The following PATJ variants were observed in gnomAD, a reference collection of about 807,000 sequenced individuals.
PATJ encodes the protein inaD-like protein.
Under a neutral mutation model 224.9 loss-of-function variants are expected in PATJ, and 190 were observed. The ratio of observed to expected loss-of-function variants is 0.84; its 90% CI spans 0.75 to 0.95. The LOEUF is 0.95. Ranked by LOEUF, PATJ falls within the 40% of genes least tolerant of loss-of-function variation. The pLI is 0.00. For synonymous variants in PATJ, 769 were observed against 820.3 expected (o/e 0.94, Z 1.07); for missense variants, 2,121 against 2,270.3 (o/e 0.93, Z 1.34).
intron 28 of PATJ, among the ~76,000 whole-genome samples, chr1:61,997,418 A>G (rs1276028051): frequency 6.6e-6 from 1 of 152,222 alleles, no homozygotes; most frequent in Non-Finnish European, 1.5e-5. Context: ...CGTTGTAACC[A>G]ATAGCTATCT....
chr1:61,760,775 C>A (rs193255143), intron 1 of PATJ, among the ~76,000 whole-genome samples: 5 of 151,732 alleles, frequency 3.3e-5, no homozygotes, highest in African/African-American at 1.2e-4. Flanking sequence ...TGCCACCACG[C>A]CTAATTTTTG....
chr1:61,898,078 GACTT>G (rs1670626925), intron 22 of PATJ, among the ~76,000 whole-genome samples: 2 of 152,168 alleles, frequency 1.3e-5, no homozygotes, highest in Admixed American at 6.5e-5. Context: ...CATTTTATAA[GACTT>G]ACTTAAGTTC....
chr1:61,763,147 C>T lies in PATJ; in HGVS notation c.157C>T (p.Leu53Phe), dbSNP rs770567980. ...KSPLFNQILT[L>F]QQSIKQLKGQ... ...TCCTCTCTTCAACCAGATACTCACA[C>T]TTCAGCAGTCCATCAAGCAACTGAA... Residue 53 changes from leucine (L) to phenylalanine (F), a missense_variant, in exon 3 of 44, where the codon CTT (leucine) becomes TTT (phenylalanine). Physicochemically the swap from Leu to Phe is conservative, Grantham distance 22. Transcript: ENST00000642238. 3 of 1,597,814 alleles carry T rather than the reference C, an allele frequency of 1.9e-6. No individual in the cohort carries two copies. The highest frequency in any genetic ancestry group is 1.7e-5 in the Admixed American group (1 of 58,142).
chr1:62,072,957 T>C (rs1429453093), intron 31 of PATJ: 1 of 811,072 alleles, frequency 1.2e-6, no homozygotes, highest in Non-Finnish European at 1.5e-6. Flanking sequence ...TACTAACTGC[T>C]GAAATTGGAA....
At chr1:61,865,197 T>C (rs1010247454) in intron 20 of PATJ, 5 of 150,746 alleles carry the variant, frequency 3.3e-5, no homozygotes, top group Non-Finnish European at 7.4e-5. Flanking sequence ...TATATATGTA[T>C]ATAAAATTTT....
intron 31 of PATJ, among the ~76,000 whole-genome samples, chr1:62,070,580 T>C (rs1369307089): frequency 3.3e-5 from 5 of 152,194 alleles, no homozygotes; most frequent in Non-Finnish European, 7.3e-5. Flanking sequence ...ATAAAATTCA[T>C]TGGTTCATCT....
chr1:62,123,864 C>T (rs2148927368), intron 39 of PATJ, among the ~76,000 whole-genome samples: 1 of 151,772 alleles, frequency 6.6e-6, no homozygotes, highest in South Asian at 2.1e-4. Context: ...AGTAAAACAT[C>T]TTTATATTTT....
intron 30 of PATJ, among the ~76,000 whole-genome samples, chr1:62,045,387 G>A (rs1652352737): frequency 6.6e-6 from 1 of 152,054 alleles, no homozygotes; most frequent in African/African-American, 2.4e-5. Context: ...TAAAAAAAAA[G>A]GAGTTTAAAA....
intron 27 of PATJ, 152 bp downstream of exon 27, chr1:61,927,981 G>A: frequency 1.7e-6 from 1 of 589,984 alleles, no homozygotes; most frequent in Non-Finnish European, 2.9e-6. Flanking sequence ...TGAAGCTTTT[G>A]TGGCGTCATT....
intron 27 of PATJ, among the ~76,000 whole-genome samples, chr1:61,945,413 A>AT (rs1365688273): frequency 6.6e-6 from 1 of 151,996 alleles, no homozygotes; most frequent in Non-Finnish European, 1.5e-5. Context: ...CAAAAAAAAA[A>AT]GCAGGGGTTG....
chr1:61,768,125 C>A (rs1011833518), intron 4 of PATJ, among the ~76,000 whole-genome samples: 1 of 151,990 alleles, frequency 6.6e-6, no homozygotes, highest in Non-Finnish European at 1.5e-5. Context: ...ACAGGTAGAA[C>A]CCGTGTAAAT....
At chr1:61,979,118 G>T (rs946611084) in intron 27 of PATJ, among the ~76,000 whole-genome samples, 2 of 152,056 alleles carry the variant, frequency 1.3e-5, no homozygotes, top group Non-Finnish European at 2.9e-5. Flanking sequence ...TGCATCAAGA[G>T]ACTGTTCTCT....
rs139480388 is a variant in PATJ, at chr1:62,062,490, C to CT, written c.4125+11458dup. Among the ~76,000 whole-genome samples, 64 of 35,806 alleles carry CT rather than the reference C, an allele frequency of 1.8e-3. 4 individuals are homozygous for CT. The highest frequency in any genetic ancestry group is 8.7e-3 in the South Asian group (6 of 690). 23.5% of individuals were successfully genotyped at this position (35,806 alleles called of 152,430 possible). A position where few individuals can be genotyped will look rare whatever the true frequency, so the allele number is the denominator to read the frequency against. ...TGGTGTGGTCATAGCCCACAGCAAC[C>CT]TTTTTTTTTTTTTTTTTTTTTTTTT... is the stretch of plus-strand genomic sequence containing the variant. On this transcript the variant is annotated intron_variant, in intron 31 of 43. Transcript: ENST00000642238.
In PATJ at chr1:61,884,141, G is replaced by A. The variant is rs1487227671; in HGVS notation, c.2960-96G>A. 3 of 767,814 alleles carry A rather than the reference G, an allele frequency of 3.9e-6. No individual in the cohort carries two copies. In the African/African-American group the frequency reaches 5.3e-5, roughly 14 times the overall value. 47.6% of individuals were successfully genotyped at this position (767,814 alleles called of 1,614,324 possible). ...TATTTTCAGTCTCCTACCTGGAAGAGTCCCCTCCCATAGTAGGTGCCCATA... is the reference window on the plus strand; with the variant it reads ...TATTTTCAGTCTCCTACCTGGAAGAATCCCCTCCCATAGTAGGTGCCCATA... On this transcript the variant is annotated intron_variant, in intron 21 of 43. Coordinates refer to ENST00000642238, the MANE Select transcript of PATJ (RefSeq NM_001350145.3).
chr1:62,053,441 C>T (rs770230675), intron 31 of PATJ, among the ~76,000 whole-genome samples: 20 of 152,106 alleles, frequency 1.3e-4, no homozygotes, highest in Non-Finnish European at 2.1e-4. Context: ...AGTGTCTGGC[C>T]GGGCACAGTG....
chr1:61,898,756 G>A (rs749479533), intron 22 of PATJ, among the ~76,000 whole-genome samples: 2 of 152,072 alleles, frequency 1.3e-5, no homozygotes, highest in Middle Eastern at 3.2e-3. Flanking sequence ...CAAATACTCC[G>A]TAACTCAGCA....
chr1:61,768,494 A>AATAAATAAATAAATAAATAC (rs1180226104), intron 4 of PATJ, among the ~76,000 whole-genome samples: 27 of 152,004 alleles, frequency 1.8e-4, no homozygotes, highest in Non-Finnish European at 3.2e-4. Flanking sequence ...TAAATAAATA[A>AATAAATAAATAAATAAATAC]ATAGATATCA....
At chr1:61,885,169 T>C (rs1048565615) in intron 22 of PATJ, among the ~76,000 whole-genome samples, 49 of 152,132 alleles carry the variant, frequency 3.2e-4, no homozygotes, top group Non-Finnish European at 5.0e-4. Context: ...AAAGCCAAAA[T>C]TGACAAATGG....
intron 37 of PATJ, among the ~76,000 whole-genome samples, chr1:62,119,809 T>C (rs1036919034): frequency 6.6e-6 from 1 of 152,100 alleles, no homozygotes; most frequent in African/African-American, 2.4e-5. Flanking sequence ...CTGGGCATAG[T>C]GGTGGGCTCC....
Sources: allele counts gnomAD v4.1 joint callset (sites outside exome capture counted in the v4.1 genomes callset), GRCh38; gene constraint gnomAD v4.1.1; transcripts MANE v1.5; gene names NCBI Gene and HGNC (gene_info 2026-07-23, HGNC 2026-07-21).